Variants in PLEKHG1 observed in about 807,000 individuals in gnomAD.
PLEKHG1 encodes the protein pleckstrin homology and RhoGEF domain containing G1, also known as pleckstrin homology domain-containing family G member 1.
A neutral mutation model predicts 100.8 loss-of-function variants in PLEKHG1; 44 were observed. The observed-to-expected ratio is 0.44, with a 90% CI of 0.34 to 0.56. The LOEUF (loss-of-function observed/expected upper bound fraction) is 0.56, where lower values mean the gene tolerates loss of function less well. Ranked by LOEUF, PLEKHG1 falls within the 20% of genes least tolerant of loss-of-function variation. The probability of loss-of-function intolerance (pLI) is 0.01; values close to 1 mark genes in which losing one functional copy is unlikely to be tolerated. For synonymous variants in PLEKHG1, 640 were observed against 662.5 expected, an observed-to-expected ratio of 0.97 and a Z score of 0.52; for missense variants, 1,545 against 1,720.9, an observed-to-expected ratio of 0.90 and a Z score of 1.81.
At chr6:150,704,107 C>T (rs111376115) in intron 3 of PLEKHG1, among the ~76,000 whole-genome samples, 6,455 of 152,170 alleles carry the variant, frequency 0.042, 442 homozygotes, top group African/African-American at 0.15. Flanking sequence ...GTTGATGGTC[C>T]GACTGACCTG....
chr6:150,648,854 G>A (rs1359448867), intron 2 of PLEKHG1, among the ~76,000 whole-genome samples: 1 of 152,038 alleles, frequency 6.6e-6, no homozygotes, highest in East Asian at 1.9e-4. Flanking sequence ...TGAAATGTTT[G>A]AATTTATTCA....
intron 1 of PLEKHG1, among the ~76,000 whole-genome samples, chr6:150,618,348 T>C (rs1354419285): frequency 6.6e-6 from 1 of 152,228 alleles, no homozygotes; most frequent in East Asian, 1.9e-4. Context: ...TGTGTGCTAT[T>C]TATACAACAT....
intron 3 of PLEKHG1, among the ~76,000 whole-genome samples, chr6:150,699,197 T>TTTTGG (rs1245080709): frequency 1.3e-5 from 2 of 152,162 alleles, no homozygotes; most frequent in African/African-American, 2.4e-5. Flanking sequence ...CTTTGTACGT[T>TTTTGG]TTTGGTTTGG....
intron 3 of PLEKHG1, among the ~76,000 whole-genome samples, chr6:150,695,105 GT>G (rs1218089708): frequency 6.6e-6 from 1 of 152,170 alleles, no homozygotes; most frequent in African/African-American, 2.4e-5. Flanking sequence ...TGTGAACCCT[GT>G]TTTTTCAAAA....
chr6:150,736,939 G>A lies in PLEKHG1; in HGVS notation c.411+2847G>A, dbSNP rs1479077084. Among the ~76,000 whole-genome samples, 10 of 152,228 alleles carry A rather than the reference G, an allele frequency of 6.6e-5. No homozygotes were observed. In the East Asian group the frequency reaches 1.9e-3, roughly 29 times the overall value. On this transcript the variant is annotated intron_variant, in intron 2 of 15. Coordinates refer to ENST00000358517, the Ensembl canonical transcript of PLEKHG1. ...TTAGGGGAAGGAGAGGCCCAGAAGGGGGTGAGTATTGGAAAGAAGCGTGCC... is the reference window on the plus strand; with the variant it reads ...TTAGGGGAAGGAGAGGCCCAGAAGGAGGTGAGTATTGGAAAGAAGCGTGCC...
At chr6:150,637,200 T>C (rs1007409547) in intron 1 of PLEKHG1, among the ~76,000 whole-genome samples, 1 of 152,216 alleles carries the variant, frequency 6.6e-6, no homozygotes, top group African/African-American at 2.4e-5. Flanking sequence ...CTAAAGCCAT[T>C]ATGCAAATAT....
At chr6:150,684,273 GC>G (rs963555121) in intron 3 of PLEKHG1, among the ~76,000 whole-genome samples, 1 of 152,210 alleles carries the variant, frequency 6.6e-6, no homozygotes, top group Non-Finnish European at 1.5e-5. Flanking sequence ...CCCATTAAGT[GC>G]CCCCTGAGGC....
At chr6:150,632,196 TATTATA>T (rs1417496495) in intron 1 of PLEKHG1, among the ~76,000 whole-genome samples, 1 of 152,248 alleles carries the variant, frequency 6.6e-6, no homozygotes, top group Non-Finnish European at 1.5e-5. Context: ...CTCCATTCTC[TATTATA>T]AACACACAAG....
intron 2 of PLEKHG1, among the ~76,000 whole-genome samples, chr6:150,755,161 G>GTCTGTTTTGTGGTCTGTTGCC (rs1398061410): frequency 6.6e-6 from 1 of 151,520 alleles, no homozygotes; most frequent in African/African-American, 2.4e-5. Flanking sequence ...TTTTTTTGTG[G>GTCTGTTTTGTGGTCTGTTGCC]AGACAGGTCT....
chr6:150,626,829 C>CGTGT (rs896106896), intron 1 of PLEKHG1, among the ~76,000 whole-genome samples: 1 of 151,892 alleles, frequency 6.6e-6, no homozygotes, highest in African/African-American at 2.4e-5. Context: ...TGTGTGTGTG[C>CGTGT]GTGTGTGTGT....
chr6:150,674,670 TCTCTCTCTCTCTCCCC>T (rs1779690115), intron 3 of PLEKHG1, among the ~76,000 whole-genome samples: 1 of 144,166 alleles, frequency 6.9e-6, no homozygotes, highest in African/African-American at 2.6e-5. Context: ...TCTCTCTCTC[TCTCTCTCTCTCTCCCC>T]CCTCTTCTCT....
intron 3 of PLEKHG1, among the ~76,000 whole-genome samples, chr6:150,700,460 G>A (rs2128598352): frequency 6.6e-6 from 1 of 152,304 alleles, no homozygotes; most frequent in South Asian, 2.1e-4. Context: ...TCCCATGCTA[G>A]CCAAGGTGTG....
chr6:150,652,625 C>T (rs1227359911), intron 3 of PLEKHG1, among the ~76,000 whole-genome samples: 2 of 150,344 alleles, frequency 1.3e-5, no homozygotes, highest in Admixed American at 1.3e-4. Flanking sequence ...GAGGCTGAGG[C>T]AGGAGAATCC....
intron 3 of PLEKHG1, among the ~76,000 whole-genome samples, chr6:150,696,110 AT>A (rs1388088019): frequency 6.6e-6 from 1 of 152,234 alleles, no homozygotes; most frequent in Non-Finnish European, 1.5e-5. Flanking sequence ...CAATGTTGTA[AT>A]GAGGAAGAAT....
In PLEKHG1 at chr6:150,644,334, G is replaced by GGTTTTTTTTTTTT. The variant is rs1554255840; in HGVS notation, c.-158+6209_-158+6210insGTTTTTTTTTTTT. 5.7e-4 allele frequency among the ~76,000 whole-genome samples: 67 copies of GGTTTTTTTTTTTT among 117,592 alleles called. 1 individual carries two copies. Among genetic ancestry groups the GGTTTTTTTTTTTT allele is most frequent in the Middle Eastern group, 8.9e-3 (2 of 224 alleles). The allele number at this position is 117,592 out of a possible 152,430, so 77.1% of individuals were successfully genotyped here. A position where few individuals can be genotyped will look rare whatever the true frequency, so the allele number is the denominator to read the frequency against. On this transcript the variant is annotated intron_variant, in intron 2 of 3. Coordinates refer to the PLEKHG1 transcript ENST00000367326. The stretch of plus-strand genomic sequence containing the variant: ...AAGAGAGTGGTTTTTTTCTTTTCGT[G>GGTTTTTTTTTTTT]TTTTTTTTTTTTTTTTTTGTTACAG...
At position 150,715,510 on chromosome 6, in the gene PLEKHG1, C is replaced by T. The variant is rs1427754512; in HGVS notation, c.-98-18074C>T. On this transcript the variant is annotated intron_variant, in intron 3 of 3. Coordinates refer to the PLEKHG1 transcript ENST00000367326. ...TTTTTCTTTTTTTTTTTTTTTGAGA[C>T]GGAATCTTGCTCTGTGGCCCAGGCT... Among the ~76,000 whole-genome samples, 8 of 138,660 alleles carry T rather than the reference C, an allele frequency of 5.8e-5. No individual in the cohort carries two copies. The East Asian group carries it at 6.3e-4, about 11-fold the overall frequency. The allele number at this position is 138,660 out of a possible 152,430, so 91.0% of individuals were successfully genotyped here. A position where few individuals can be genotyped will look rare whatever the true frequency, so the allele number is the denominator to read the frequency against.
chr6:150,663,032 A>G (rs1779255168), intron 3 of PLEKHG1: 1 of 138,522 alleles, frequency 7.2e-6, no homozygotes, highest in African/African-American at 2.7e-5. Context: ...GTTTGTTGAC[A>G]TGAAATGCTG....
intron 10 of PLEKHG1, among the ~76,000 whole-genome samples, chr6:150,814,435 G>T (rs566575246): frequency 6.6e-6 from 1 of 152,158 alleles, no homozygotes; most frequent in Non-Finnish European, 1.5e-5. Flanking sequence ...CCAAGTTGTC[G>T]ATCCTTTCTA....
chr6:150,780,137 A>T (rs1177053817), intron 3 of PLEKHG1, among the ~76,000 whole-genome samples: 4 of 135,504 alleles, frequency 3.0e-5, no homozygotes, highest in African/African-American at 1.1e-4. Flanking sequence ...CTTTTCTTTA[A>T]TTTTTTTTTT....
Sources: allele counts gnomAD v4.1 joint callset (sites outside exome capture counted in the v4.1 genomes callset), GRCh38; gene constraint gnomAD v4.1.1; transcripts MANE v1.5; gene names NCBI Gene and HGNC (gene_info 2026-07-23, HGNC 2026-07-21).